The following CXADR variants were observed in gnomAD, a reference collection of about 807,000 sequenced individuals.
CXADR encodes CXADR cell adhesion molecule, also known as coxsackievirus and adenovirus receptor.
Under a neutral mutation model 40.3 loss-of-function variants are expected in CXADR, and 20 were observed. That is an observed-to-expected ratio of 0.50 (90% CI 0.35 to 0.72). The LOEUF (loss-of-function observed/expected upper bound fraction) is 0.72. Ranked by LOEUF, CXADR falls within the 30% of genes least tolerant of loss-of-function variation. The pLI is 0.01. For synonymous variants in CXADR, 150 were observed against 161.3 expected (o/e 0.93, Z 0.53); for missense variants, 332 against 449.1 (o/e 0.74, Z 2.36).
the CXADR span, among the ~76,000 whole-genome samples, chr21:17,623,422 A>G: frequency 1.4e-4 from 22 of 152,328 alleles, 1 homozygote; most frequent in African/African-American, 5.3e-4. Flanking sequence ...CAAATCAGAA[A>G]AAAAAAATTT....
intron 7 of CXADR, among the ~76,000 whole-genome samples, chr21:17,575,133 C>CTATCATTT (rs2061311338): frequency 6.6e-6 from 1 of 151,748 alleles, no homozygotes; most frequent in African/African-American, 2.4e-5. Context: ...GTGTCTCATT[C>CTATCATTT]TATCTGCTGC....
downstream of CXADR, among the ~76,000 whole-genome samples, chr21:17,597,122 CG>C (rs2061514212): frequency 6.6e-6 from 1 of 151,908 alleles, no homozygotes; most frequent in Non-Finnish European, 1.5e-5. Context: ...TTAAAAAGCA[CG>C]TAAGAGACAC....
At chr21:17,601,419 AAGGTCAAGGC>A in the CXADR span, among the ~76,000 whole-genome samples, 1 of 152,056 alleles carries the variant, frequency 6.6e-6, no homozygotes, top group Non-Finnish European at 1.5e-5. Context: ...AGTACTTTGG[AAGGTCAAGGC>A]AGGAAGATTG....
At chr21:17,550,246 C>T (rs930128356) in intron 2 of CXADR, among the ~76,000 whole-genome samples, 5 of 150,376 alleles carry the variant, frequency 3.3e-5, no homozygotes, top group South Asian at 2.1e-4. Flanking sequence ...CCCAGCTCCT[C>T]GGGAGGCTGA....
At chr21:17,578,782 A>G (rs969057013) in intron 7 of CXADR, among the ~76,000 whole-genome samples, 8 of 152,194 alleles carry the variant, frequency 5.3e-5, no homozygotes, top group African/African-American at 1.9e-4. Context: ...TGATAGCGCC[A>G]CTGCACTCCA....
At chr21:17,635,253 C>T in the CXADR span, among the ~76,000 whole-genome samples, 1 of 152,174 alleles carries the variant, frequency 6.6e-6, no homozygotes, top group Non-Finnish European at 1.5e-5. Flanking sequence ...TTTACATCAG[C>T]AGGTTCCCAG....
chr21:17,598,556 A>G, downstream of CXADR: 1 of 1,417,014 alleles, frequency 7.1e-7, no homozygotes, highest in South Asian at 1.2e-5. Context: ...AAGTAGGACT[A>G]CCTGAAAGGT....
At chr21:17,571,233 A>G (rs1963194641), downstream of CXADR, among the ~76,000 whole-genome samples, 1 of 152,184 alleles carries the variant, frequency 6.6e-6, no homozygotes, top group African/African-American at 2.4e-5. Flanking sequence ...ACTTTGCTTC[A>G]GTTTCCTAGT....
intron 7 of CXADR, among the ~76,000 whole-genome samples, chr21:17,582,331 A>C (rs924102951): frequency 3.9e-5 from 6 of 152,062 alleles, no homozygotes; most frequent in African/African-American, 1.4e-4. Context: ...TTTAAATATT[A>C]ATAATATTAG....
At position 17,567,818 on chromosome 21, in the gene CXADR, G is replaced by A; in HGVS notation, c.*2126G>A. ...AATGAAAATTATCCTATTGATCTAA[G>A]TAGAAGTTATCATAGAAAGTGGACA... On this transcript the variant is annotated 3_prime_UTR_variant, in exon 7 of 7. Coordinates refer to ENST00000284878, the MANE Select transcript of CXADR (RefSeq NM_001338.5). 1.0e-6 allele frequency: 1 copy of A among 954,500 alleles called. No homozygotes were observed. Among genetic ancestry groups the A allele is most frequent in the Non-Finnish European group, 1.2e-6 (1 of 802,886 alleles). The allele number at this position is 954,500 out of a possible 1,614,324, so 59.1% of individuals were successfully genotyped here.
chr21:17,531,457 A>G (rs2060675232), intron 1 of CXADR, among the ~76,000 whole-genome samples: 1 of 152,112 alleles, frequency 6.6e-6, no homozygotes, highest in South Asian at 2.1e-4. Flanking sequence ...AAAATTTCAA[A>G]TATATGTAAA....
chr21:17,541,703 G>C (rs1381157010), intron 1 of CXADR, among the ~76,000 whole-genome samples: 1 of 147,768 alleles, frequency 6.8e-6, no homozygotes, highest in Non-Finnish European at 1.5e-5. Flanking sequence ...TTTTCACTTA[G>C]TAATATGCAT....
Position 17,528,758 on chromosome 21 carries a change from T to C in CXADR, c.43+15586T>C, listed in dbSNP as rs538251290. ...TCTTCACTTCTAAAATCTTGAACTC[T>C]AATATCATGCCTCCCAGCTTTCTCA... is the stretch of plus-strand genomic sequence containing the variant. On this transcript the variant is annotated intron_variant, in intron 1 of 6. Transcript: ENST00000284878. Among the ~76,000 whole-genome samples the C allele has an allele frequency of 6.6e-5, 10 of 152,278 alleles. No homozygotes were observed. In the South Asian group the frequency reaches 2.1e-3, roughly 32 times the overall value.
At chr21:17,535,677 C>T (rs1324793541) in intron 1 of CXADR, among the ~76,000 whole-genome samples, 1 of 152,072 alleles carries the variant, frequency 6.6e-6, no homozygotes, top group African/African-American at 2.4e-5. Context: ...TCCAAGCAAC[C>T]GAACAAGCAT....
At chr21:17,626,579 A>G in the CXADR span, among the ~76,000 whole-genome samples, 2 of 152,252 alleles carry the variant, frequency 1.3e-5, no homozygotes, top group East Asian at 3.8e-4. Context: ...TTATCTGTCA[A>G]GGATATGCAG....
At chr21:17,544,960 C>T (rs2060875661) in intron 1 of CXADR, among the ~76,000 whole-genome samples, 1 of 151,020 alleles carries the variant, frequency 6.6e-6, no homozygotes, top group South Asian at 2.1e-4. Flanking sequence ...CAGTGACTAA[C>T]TCCTCTTCAT....
the CXADR span, chr21:17,604,129 T>C: frequency 7.8e-7 from 1 of 1,284,742 alleles, no homozygotes; most frequent in Admixed American, 2.5e-5. Context: ...CCACGAAGTA[T>C]CACTCAGTCA....
intron 1 of CXADR, among the ~76,000 whole-genome samples, chr21:17,519,989 A>ACG (rs1569071577): frequency 2.6e-5 from 4 of 152,006 alleles, no homozygotes; most frequent in African/African-American, 9.7e-5. Flanking sequence ...ACACACACAC[A>ACG]CACGCACGCA....
chr21:17,574,356 A>G (rs1312900159), downstream of CXADR, among the ~76,000 whole-genome samples: 2 of 147,434 alleles, frequency 1.4e-5, no homozygotes, highest in East Asian at 4.0e-4. Context: ...GTACTTGTGT[A>G]TGTGTGTTTG....
Sources: gnomAD v4.1 joint callset for allele counts (sites outside exome capture counted in the v4.1 genomes callset) on GRCh38, gnomAD v4.1.1 for gene constraint, MANE v1.5 for transcripts, NCBI Gene and HGNC (gene_info 2026-07-23, HGNC 2026-07-21) for gene names.